The following ACTN1 variants were observed in gnomAD, a reference collection of about 807,000 sequenced individuals.
ACTN1 encodes the protein alpha-actinin-1.
ACTN1 carries 30 observed loss-of-function variants against 119.6 expected under a neutral mutation model. The ratio of observed to expected loss-of-function variants is 0.25; its 90% confidence interval spans 0.19 to 0.34. The LOEUF (loss-of-function observed/expected upper bound fraction) is 0.34. Ranked by LOEUF, ACTN1 falls within the 10% of genes least tolerant of loss-of-function variation. ACTN1 has a pLI of 1.00. For synonymous variants in ACTN1, 429 were observed against 472.6 expected, an observed-to-expected ratio of 0.91 and a Z score of 1.20; for missense variants, 764 against 1,223.4, an observed-to-expected ratio of 0.62 and a Z score of 5.60.
chr14:68,918,401 G>A (rs1015595361), intron 3 of ACTN1, among the ~76,000 whole-genome samples: 2 of 151,858 alleles, frequency 1.3e-5, no homozygotes, highest in Non-Finnish European at 2.9e-5. Context: ...TTAACACGGT[G>A]AAACCCCGTC....
At chr14:68,956,694 T>C (rs2036361708) in intron 1 of ACTN1, among the ~76,000 whole-genome samples, 1 of 152,126 alleles carries the variant, frequency 6.6e-6, no homozygotes, top group African/African-American at 2.4e-5. Context: ...GAATACAGCT[T>C]AGGCAGGAGG....
intron 10 of ACTN1, 31 bp from the exon 11 acceptor site, chr14:68,890,317 CT>C: frequency 1.2e-6 from 2 of 1,611,538 alleles, no homozygotes; most frequent in Non-Finnish European, 1.7e-6. Context: ...GGGTCAGGGT[CT>C]GGCTTGGGCC....
chr14:68,919,980 C>T (rs1704055492), intron 3 of ACTN1, among the ~76,000 whole-genome samples: 2 of 152,288 alleles, frequency 1.3e-5, no homozygotes, highest in South Asian at 4.1e-4. Context: ...GGACTGTAAG[C>T]TTCAACCAGA....
chr14:68,952,794 C>A (rs1442252958), intron 1 of ACTN1, among the ~76,000 whole-genome samples: 1 of 152,198 alleles, frequency 6.6e-6, no homozygotes, highest in Non-Finnish European at 1.5e-5. Flanking sequence ...TTCTCACCCT[C>A]ACACACTCTC....
intron 1 of ACTN1, among the ~76,000 whole-genome samples, chr14:68,939,280 A>G (rs1029644586): frequency 2.6e-5 from 4 of 152,066 alleles, no homozygotes; most frequent in Admixed American, 1.3e-4. Context: ...GCCTCAGCCA[A>G]TCTGTCACCA....
chr14:68,942,158 C>A (rs1347780385), intron 1 of ACTN1, among the ~76,000 whole-genome samples: 1 of 152,162 alleles, frequency 6.6e-6, no homozygotes, highest in East Asian at 1.9e-4. Context: ...CAGACACTCC[C>A]AGGGAGCAGA....
At chr14:68,903,871 G>A (rs2033502781) in intron 7 of ACTN1, among the ~76,000 whole-genome samples, 1 of 152,180 alleles carries the variant, frequency 6.6e-6, no homozygotes, top group African/African-American at 2.4e-5. Flanking sequence ...CAATGGTAAG[G>A]TCAGCAGCCA....
chr14:68,951,268 C>T (rs2036159107), intron 1 of ACTN1, among the ~76,000 whole-genome samples: 1 of 152,164 alleles, frequency 6.6e-6, no homozygotes, highest in African/African-American at 2.4e-5. Context: ...TCTAGGAAGA[C>T]ACAAGGGAAT....
rs2030994966 is a variant in ACTN1, at chr14:68,877,150, G to A, written c.2518C>T (p.Arg840Cys). ...GCTGTATCTGTGTCGGCTGTCTCGC[G>A]GGACATGAAGTCAATGAAGGCCTGG... ...TFQAFIDFMS[R>C]ETADTDTADQ... is the part of the protein sequence containing the mutation. Residue 840 changes from arginine to cysteine, a missense_variant, in exon 21 of 22, where the codon CGC becomes TGC. Coordinates refer to ENST00000394419, the MANE Select transcript of ACTN1 (RefSeq NM_001130004.2). 7.4e-6 allele frequency: 12 copies of A among 1,614,006 alleles called. No homozygotes were observed. The highest frequency in any genetic ancestry group is 2.2e-5 in the East Asian group (1 of 44,898).
chr14:68,948,227 C>G (rs1566665329), intron 1 of ACTN1, among the ~76,000 whole-genome samples: 1 of 150,124 alleles, frequency 6.7e-6, no homozygotes, highest in Non-Finnish European at 1.5e-5. Flanking sequence ...TGACACTTAC[C>G]TACGCACTTT....
intron 16 of ACTN1, chr14:68,881,192 T>C (rs1345438006): frequency 7.4e-6 from 4 of 543,326 alleles, no homozygotes; most frequent in African/African-American, 3.8e-5. Flanking sequence ...CAGAGGTATA[T>C]AACAAGCACT....
At chr14:68,968,413 A>G (rs2036772293) in intron 1 of ACTN1, among the ~76,000 whole-genome samples, 1 of 152,262 alleles carries the variant, frequency 6.6e-6, no homozygotes, top group Non-Finnish European at 1.5e-5. Context: ...TTACAGCTCC[A>G]GGGCAAAGGA....
At chr14:68,903,919 G>C (rs138891590) in intron 7 of ACTN1, among the ~76,000 whole-genome samples, 94 of 152,296 alleles carry the variant, frequency 6.2e-4, no homozygotes, top group African/African-American at 2.2e-3. Flanking sequence ...CCAATCTTTG[G>C]TAAGGATGTT....
At chr14:68,875,832 T>C (rs1446949640) in intron 21 of ACTN1, among the ~76,000 whole-genome samples, 1 of 152,206 alleles carries the variant, frequency 6.6e-6, no homozygotes, top group Non-Finnish European at 1.5e-5. Flanking sequence ...AACTAAATGG[T>C]TTGAGGATCC....
chr14:68,881,936 C>CCTTTTTTTTTTTTTTTTTTTT (rs2031552165), intron 16 of ACTN1, among the ~76,000 whole-genome samples: 7 of 58,396 alleles, frequency 1.2e-4, no homozygotes, highest in African/African-American at 7.3e-4. Context: ...TAGGCAGCTT[C>CCTTTTTTTTTTTTTTTTTTTT]TTTTTTTTTT....
intron 8 of ACTN1, among the ~76,000 whole-genome samples, chr14:68,899,232 C>A (rs1224074940): frequency 3.4e-5 from 5 of 147,638 alleles, no homozygotes; most frequent in Non-Finnish European, 7.5e-5. Flanking sequence ...CCACACCCCA[C>A]ACACACAGCA....
intron 1 of ACTN1, among the ~76,000 whole-genome samples, chr14:68,959,068 C>T (rs1241481457): frequency 1.3e-5 from 2 of 152,190 alleles, no homozygotes; most frequent in Admixed American, 6.5e-5. Flanking sequence ...TTTGCACCAA[C>T]CTATTAGCTC....
intron 3 of ACTN1, among the ~76,000 whole-genome samples, chr14:68,915,659 T>C (rs1374399746): frequency 6.6e-6 from 1 of 152,178 alleles, no homozygotes; most frequent in Non-Finnish European, 1.5e-5. Flanking sequence ...ATTGGCCCCC[T>C]GAGAACACAA....
intron 4 of ACTN1, 112 bp from the exon 5 acceptor site, chr14:68,910,154 G>A (rs2033920548): frequency 8.0e-6 from 6 of 753,018 alleles, no homozygotes; most frequent in South Asian, 3.5e-5. Flanking sequence ...TGCAGCTACT[G>A]AAGGAGGAGC....
Sources: gnomAD v4.1 joint callset for allele counts (sites outside exome capture counted in the v4.1 genomes callset) on GRCh38, gnomAD v4.1.1 for gene constraint, MANE v1.5 for transcripts, NCBI Gene and HGNC (gene_info 2026-07-23, HGNC 2026-07-21) for gene names.